The following ZNF518B variants were observed in gnomAD, a reference collection of about 807,000 sequenced individuals.
The protein encoded by ZNF518B is zinc finger protein 518B.
In ZNF518B, 23 loss-of-function variants were observed where a neutral mutation model predicts 56.3. That is an observed-to-expected ratio of 0.41 (90% CI 0.29 to 0.58). The LOEUF is 0.58. Among genes scored for constraint, ZNF518B ranks in the 20% least tolerant of loss-of-function variants. ZNF518B has a pLI of 0.32. For missense variants in ZNF518B, 1,460 were observed against 1,272.1 expected (o/e 1.15, Z -2.25); for synonymous variants, 529 against 465.9 (o/e 1.14, Z -1.74).
chr4:10,441,474 C>A lies in ZNF518B; in HGVS notation c.*1630G>T, dbSNP rs1335385990. 1 of 150,662 alleles carries A rather than the reference C, an allele frequency of 6.6e-6. No homozygotes were observed. Among genetic ancestry groups the A allele is most frequent in the Non-Finnish European group, 1.5e-5 (1 of 67,758 alleles). The allele number at this position is 150,662 out of a possible 1,614,324, so 9.3% of individuals were successfully genotyped here. A position where few individuals can be genotyped will look rare whatever the true frequency, so the allele number is the denominator to read the frequency against. On this transcript the variant is annotated 3_prime_UTR_variant, in exon 3 of 3. Coordinates refer to ENST00000326756, the MANE Select transcript of ZNF518B (RefSeq NM_053042.3). ...AAAAAAAATCAAAGTCTCCAATCGA[C>A]TACCCAATAAACAATCACTGGTGTC...
At chr4:10,450,223 T>C (rs540396481) in intron 2 of ZNF518B, among the ~76,000 whole-genome samples, 48 of 152,304 alleles carry the variant, frequency 3.2e-4, no homozygotes, top group Non-Finnish European at 1.0e-4. Flanking sequence ...TATTAGCAAA[T>C]GCAGTGTGAT....
At position 10,443,967 on chromosome 4, in the gene ZNF518B, G is replaced by A. The variant is rs1029331525; in HGVS notation, c.2362C>T (p.His788Tyr). The stretch of plus-strand genomic sequence containing the variant: ...GCTTCACATGTAGCCTCTATGATGT[G>A]GGCATTCTCAGAGGAATTAAGAACC... ...LRVLNSSENAHIIEATCEAPV... is the reference protein window; with the variant it reads ...LRVLNSSENAYIIEATCEAPV... The change falls in exon 3 of 3, where the codon CAC (histidine) becomes TAC (tyrosine). Residue 788 changes from histidine (H) to tyrosine (Y), a missense_variant. By Grantham distance (83) the His-to-Tyr change is moderately conservative. Coordinates refer to ENST00000326756, the MANE Select transcript of ZNF518B (RefSeq NM_053042.3). 6.2e-7 allele frequency: 1 copy of A among 1,614,034 alleles called. No homozygotes were observed. Among genetic ancestry groups the A allele is most frequent in the Non-Finnish European group, 8.5e-7 (1 of 1,180,032 alleles).
chr4:10,451,184 AAAAC>A (rs1471971979), intron 2 of ZNF518B: 23 of 152,334 alleles, frequency 1.5e-4, no homozygotes, highest in Middle Eastern at 3.4e-3. Context: ...TGGGGACATA[AAAAC>A]AAACAAAGTA....
chr4:10,453,298 G>C (rs1715400214), intron 2 of ZNF518B: 1 of 152,182 alleles, frequency 6.6e-6, no homozygotes, highest in African/African-American at 2.4e-5. Flanking sequence ...GTCCAGAGAA[G>C]CAGACACTGG....
Position 10,444,800 on chromosome 4 carries a change from G to T in ZNF518B, c.1529C>A (p.Ala510Asp), listed in dbSNP as rs752705888. 15 of 1,613,794 alleles carry T rather than the reference G, an allele frequency of 9.3e-6. No homozygotes were observed. The highest frequency in any genetic ancestry group is 1.3e-5 in the Non-Finnish European group (15 of 1,179,932). Reference protein sequence around the residue: ...AASNPFPYKAAVCFAESGRNL... With the variant: ...AASNPFPYKADVCFAESGRNL... ...TCTTCCACTTTCAGCAAAACAAACA[G>T]CAGCTTTATATGGAAAAGGGTTTGA... Residue 510 changes from alanine to aspartate, a missense_variant, in exon 3 of 3, where the codon GCT becomes GAT. By Grantham distance (126) the Ala-to-Asp change is moderately radical (BLOSUM62 -2). Transcript: ENST00000326756.
At chr4:10,448,348 G>C (rs1335796873) in intron 2 of ZNF518B, among the ~76,000 whole-genome samples, 1 of 152,138 alleles carries the variant, frequency 6.6e-6, no homozygotes, top group African/African-American at 2.4e-5. Context: ...TATAAAGGTA[G>C]TCTGAAAGAC....
chr4:10,444,971 G>C lies in ZNF518B; in HGVS notation c.1358C>G (p.Ser453Cys). 3 of 1,612,854 alleles carry C rather than the reference G, an allele frequency of 1.9e-6. No individual in the cohort carries two copies. The highest frequency in any genetic ancestry group is 2.5e-6 in the Non-Finnish European group (3 of 1,179,698). The change falls in exon 3 of 3, where the codon TCC (serine) becomes TGC (cysteine). Residue 453 changes from serine to cysteine, a missense_variant. Coordinates refer to ENST00000326756, the MANE Select transcript of ZNF518B (RefSeq NM_053042.3). ...CTCAATTGTTTCCGAATTAATGAAG[G>C]ATTTTCCATTGTTGTGCACACTAGA... ...PNSSVHNNGK[S>C]FINSETIEDF...
In ZNF518B at chr4:10,445,742, T is replaced by A. The variant is rs1715006902; in HGVS notation, c.587A>T (p.Asp196Val). 6.2e-7 allele frequency: 1 copy of A among 1,614,114 alleles called. No individual in the cohort carries two copies. The highest frequency in any genetic ancestry group is 1.3e-5 in the African/African-American group (1 of 74,936). Residue 196 changes from aspartate (D) to valine (V), a missense_variant, in exon 3 of 3, where the codon GAC (aspartate) becomes GTC (valine). Coordinates refer to ENST00000326756, the MANE Select transcript of ZNF518B (RefSeq NM_053042.3). ...ATAATCATTTCTAATAGCACCATAG[T>A]CACAATACTCACACTGATAAGGAAA... ...GIFPYQCEYC[D>V]YGAIRNDYIV...
chr4:10,445,527 T>C lies in ZNF518B; in HGVS notation c.802A>G (p.Asn268Asp). Residue 268 changes from asparagine (N) to aspartate (D), a missense_variant, in exon 3 of 3, where the codon AAT (asparagine) becomes GAT (aspartate). Asn to Asp is a conservative substitution (Grantham distance 23). Transcript: ENST00000326756. ...ATGATATTGTGCATTTTGTCTTTAT[T>C]TGCATGGAGAGAGAAACCTGACAGT... is the stretch of plus-strand genomic sequence containing the variant. The part of the protein sequence containing the change: ...DQLSGFSLHA[N>D]KDKMHNIMLL... 1 of 1,614,198 alleles carries C rather than the reference T, an allele frequency of 6.2e-7. No homozygotes were observed. The highest frequency in any genetic ancestry group is 8.5e-7 in the Non-Finnish European group (1 of 1,180,022).
chr4:10,460,010 A>G (rs1715694480), upstream of ZNF518B, among the ~76,000 whole-genome samples: 8 of 152,084 alleles, frequency 5.3e-5, no homozygotes, highest in Admixed American at 5.2e-4. Flanking sequence ...TGCATTCAAC[A>G]AAACATGTAT....
chr4:10,460,622 C>A (rs1478921940), upstream of ZNF518B, among the ~76,000 whole-genome samples: 2 of 152,192 alleles, frequency 1.3e-5, no homozygotes, highest in East Asian at 3.9e-4. Flanking sequence ...TTCTAGGCGT[C>A]TACAGACTCT....
At position 10,445,206 on chromosome 4, in the gene ZNF518B, C is replaced by A; in HGVS notation, c.1123G>T (p.Gly375Trp). Residue 375 changes from glycine (G) to tryptophan (W), a missense_variant, in exon 3 of 3, where the codon GGG becomes TGG. By Grantham distance (184) the Gly-to-Trp change is radical. Transcript: ENST00000326756. ...TCAGAATTACCTCCATTATCCCTCC[C>A]AGCTTCAAGGCAATTATTTTCTTCC... ...PLEENNCLEA[G>W]RDNGGNSERM... is the part of the protein sequence containing the mutation. 6.2e-7 allele frequency: 1 copy of A among 1,614,186 alleles called. No individual in the cohort carries two copies. The highest frequency in any genetic ancestry group is 1.3e-5 in the African/African-American group (1 of 75,046).
upstream of ZNF518B, among the ~76,000 whole-genome samples, chr4:10,460,163 G>A (rs1715696884): frequency 1.3e-5 from 2 of 151,804 alleles, no homozygotes; most frequent in South Asian, 4.2e-4. Context: ...AAATTAACTG[G>A]GCGTGGTGGC....
chr4:10,455,276 T>C (rs558795165), intron 1 of ZNF518B, among the ~76,000 whole-genome samples: 5 of 152,170 alleles, frequency 3.3e-5, no homozygotes, highest in Non-Finnish European at 5.9e-5. Flanking sequence ...GACTGGCTGA[T>C]CTGTAGCTGC....
chr4:10,457,150 C>G (rs1212217909), intron 1 of ZNF518B, 167 bp downstream of exon 1: 9 of 148,776 alleles, frequency 6.0e-5, no homozygotes, highest in African/African-American at 2.2e-4. Flanking sequence ...CCACTTGCCA[C>G]GACGCCAGCC....
rs1184088921 is a variant in ZNF518B, at chr4:10,445,959, T to G, written c.370A>C (p.Lys124Gln). The stretch of plus-strand genomic sequence containing the variant: ...GGCTTAAAGTTCCTTACCTTAAATT[T>G]GCTATTGACAGAACTTGAGAAGTTT... ...TENFSSSVNS[K>Q]FKVRNFKPGK... The change falls in exon 3 of 3, where the codon AAA becomes CAA. Residue 124 changes from lysine (K) to glutamine (Q), a missense_variant. By Grantham distance (53) the Lys-to-Gln change is moderately conservative. Coordinates refer to ENST00000326756, the MANE Select transcript of ZNF518B (RefSeq NM_053042.3). 1 of 1,614,216 alleles carries G rather than the reference T, an allele frequency of 6.2e-7. No individual in the cohort carries two copies. The highest frequency in any genetic ancestry group is 1.7e-5 in the Admixed American group (1 of 60,018).
chr4:10,449,056 A>G (rs1268604083), intron 2 of ZNF518B, among the ~76,000 whole-genome samples: 3 of 152,334 alleles, frequency 2.0e-5, no homozygotes, highest in Middle Eastern at 3.4e-3. Flanking sequence ...GAATGCTACC[A>G]TCATCAATAT....
At chr4:10,460,518 G>C (rs1715712999), upstream of ZNF518B, among the ~76,000 whole-genome samples, 1 of 152,064 alleles carries the variant, frequency 6.6e-6, no homozygotes, top group Admixed American at 6.6e-5. Flanking sequence ...GCTGCCACAA[G>C]AAGATGGAGA....
Position 10,443,622 on chromosome 4 carries a change from TTTTG to T in ZNF518B, c.2703_2706del (p.Asn901LysfsTer22). The T allele has an allele frequency of 6.2e-7, 1 of 1,614,118 alleles. No individual in the cohort carries two copies. Among genetic ancestry groups the T allele is most frequent in the Non-Finnish European group, 8.5e-7 (1 of 1,179,996 alleles). On this transcript the variant is annotated frameshift_variant, in exon 3 of 3. Transcript: ENST00000326756. LOFTEE classifies it high-confidence loss of function. ...AGACAGCGGCTAGGTTCAGCTTGAA[TTTTG>T]TTTTTCTTCCTGGATAAGTGTACTT...
Sources: gnomAD v4.1 joint callset for allele counts (sites outside exome capture counted in the v4.1 genomes callset) on GRCh38, gnomAD v4.1.1 for gene constraint, MANE v1.5 for transcripts, NCBI Gene and HGNC (gene_info 2026-07-23, HGNC 2026-07-21) for gene names.